The following SDK2 variants were observed in gnomAD, a reference collection of about 807,000 sequenced individuals.
SDK2 encodes protein sidekick-2.
In SDK2, 105 loss-of-function variants were observed where a neutral mutation model predicts 253.9. That is an observed-to-expected ratio of 0.41 (90% CI 0.35 to 0.49). SDK2 has a LOEUF of 0.49. SDK2 is among the 20% of genes least tolerant of loss of function. The pLI is 0.06. For missense variants in SDK2, 2,608 were observed against 3,003.0 expected (o/e 0.87, Z 3.07); for synonymous variants, 1,249 against 1,234.9 (o/e 1.01, Z -0.24).
At chr17:73,617,194 A>G (rs1230776498) in intron 1 of SDK2, among the ~76,000 whole-genome samples, 3 of 128,226 alleles carry the variant, frequency 2.3e-5, no homozygotes, top group Non-Finnish European at 3.3e-5. Flanking sequence ...AGGGGAGGGG[A>G]GGGGCCTCCT....
intron 26 of SDK2, among the ~76,000 whole-genome samples, chr17:73,394,001 C>G (rs1364781384): frequency 6.6e-6 from 1 of 152,234 alleles, no homozygotes; most frequent in Non-Finnish European, 1.5e-5. Flanking sequence ...TGGAGCAGCC[C>G]TAGGCCCTGG....
At chr17:73,502,673 A>G (rs2063899603) in intron 2 of SDK2, among the ~76,000 whole-genome samples, 1 of 152,090 alleles carries the variant, frequency 6.6e-6, no homozygotes, top group Admixed American at 6.5e-5. Context: ...AAAGAATGCC[A>G]CCTAAGTAAA....
chr17:73,565,818 G>GGTTT (rs1220314185), intron 1 of SDK2, among the ~76,000 whole-genome samples: 2 of 151,924 alleles, frequency 1.3e-5, no homozygotes, highest in East Asian at 1.9e-4. Flanking sequence ...TTCTTTTTTT[G>GGTTT]GTTTGTTTGT....
At chr17:73,454,863 C>T (rs2063513036) in intron 4 of SDK2, among the ~76,000 whole-genome samples, 1 of 152,026 alleles carries the variant, frequency 6.6e-6, no homozygotes, top group Non-Finnish European at 1.5e-5. Context: ...GCCACCATGC[C>T]CAGCTAATTT....
At chr17:73,610,579 T>G (rs1385544664) in intron 1 of SDK2, among the ~76,000 whole-genome samples, 1 of 152,116 alleles carries the variant, frequency 6.6e-6, no homozygotes, top group African/African-American at 2.4e-5. Flanking sequence ...CCCATGGCAT[T>G]GCTAATTTCC....
chr17:73,444,453 C>G (rs1216768201), intron 5 of SDK2, among the ~76,000 whole-genome samples: 2 of 152,194 alleles, frequency 1.3e-5, no homozygotes, highest in Non-Finnish European at 2.9e-5. Context: ...CCGGTGAGCT[C>G]CTGGCATAGG....
intron 18 of SDK2, among the ~76,000 whole-genome samples, chr17:73,412,070 GTATATA>G (rs1225953429): frequency 2.3e-5 from 2 of 85,912 alleles, no homozygotes; most frequent in Non-Finnish European, 4.5e-5. Flanking sequence ...GTATATATAC[GTATATA>G]TGTATATGTA....
Position 73,509,902 on chromosome 17 carries a change from C to CAAAAAAAAAAAAAAAAAAA in SDK2, c.65-2324_65-2306dup, listed in dbSNP as rs71157018. On this transcript the variant is annotated intron_variant, in intron 1 of 44. Coordinates refer to ENST00000392650, the MANE Select transcript of SDK2 (RefSeq NM_001144952.2). ...GCAACAGAGCAAGACTCCATCTCTA[C>CAAAAAAAAAAAAAAAAAAA]AAAAAAAAAAAAAAAAAAAAGAAGG... Among the ~76,000 whole-genome samples the CAAAAAAAAAAAAAAAAAAA allele has an allele frequency of 3.6e-3, 91 of 25,374 alleles. 9 individuals carry two copies. Among genetic ancestry groups the CAAAAAAAAAAAAAAAAAAA allele is most frequent in the African/African-American group, 6.7e-3 (35 of 5,262 alleles). 16.6% of individuals were successfully genotyped at this position (25,374 alleles called of 152,430 possible). A position where few individuals can be genotyped will look rare whatever the true frequency, so the allele number is the denominator to read the frequency against.
chr17:73,558,357 G>T (rs538867026), intron 1 of SDK2, among the ~76,000 whole-genome samples: 2 of 150,020 alleles, frequency 1.3e-5, no homozygotes, highest in East Asian at 4.1e-4. Flanking sequence ...CCATGCCCAG[G>T]TAGAGATGGA....
chr17:73,419,504 G>A (rs992010621), intron 15 of SDK2, among the ~76,000 whole-genome samples, 198 bp from the exon 16 acceptor site: 2 of 152,052 alleles, frequency 1.3e-5, no homozygotes, highest in Admixed American at 1.3e-4. Context: ...CCTGCCTTAT[G>A]AGACTAGTTG....
In SDK2 at chr17:73,352,229, G is replaced by A. The variant is rs2062544942; in HGVS notation, c.5758+244C>T. Among the ~76,000 whole-genome samples the A allele has an allele frequency of 1.3e-5, 2 of 152,118 alleles. No homozygotes were observed. Among genetic ancestry groups the A allele is most frequent in the South Asian group, 4.1e-4 (2 of 4,832 alleles). On this transcript the variant is annotated intron_variant, in intron 41 of 44. Coordinates refer to ENST00000392650, the MANE Select transcript of SDK2 (RefSeq NM_001144952.2). This position sits in a 1 kb window ranked among gnomAD's most constrained non-coding sequence, Gnocchi z 4.1. ...GGCCCTCTGCTCTGCCCCTACCCAGGGCTTCTGGAGTTCCTTGAAAGGGAG... is the reference window on the plus strand; with the variant it reads ...GGCCCTCTGCTCTGCCCCTACCCAGAGCTTCTGGAGTTCCTTGAAAGGGAG...
intron 1 of SDK2, among the ~76,000 whole-genome samples, chr17:73,601,916 G>C (rs2045847345): frequency 6.6e-6 from 1 of 152,086 alleles, no homozygotes; most frequent in Non-Finnish European, 1.5e-5. Context: ...GCTAATTTTT[G>C]TATCTTTAGT....
At chr17:73,367,783 C>T (rs1479911843) in intron 37 of SDK2, among the ~76,000 whole-genome samples, 1 of 152,138 alleles carries the variant, frequency 6.6e-6, no homozygotes, top group African/African-American at 2.4e-5. Flanking sequence ...GGATTACAGG[C>T]GTGAGCCACC....
At chr17:73,371,796 C>T (rs755079224) in intron 36 of SDK2, among the ~76,000 whole-genome samples, 2 of 152,002 alleles carry the variant, frequency 1.3e-5, no homozygotes, top group Non-Finnish European at 2.9e-5. Flanking sequence ...TCTATCTCTA[C>T]TAAAAATACA....
rs1239047030 is a variant in SDK2 at position 73,338,257 on chromosome 17, C to A, written c.*330G>T. The A allele has an allele frequency of 8.4e-6, 4 of 477,284 alleles. No individual in the cohort carries two copies. In the Admixed American group the frequency reaches 1.1e-4, roughly 13 times the overall value. 29.6% of individuals were successfully genotyped at this position (477,284 alleles called of 1,614,324 possible). On this transcript the variant is annotated 3_prime_UTR_variant, in exon 45 of 45. Coordinates refer to ENST00000392650, the MANE Select transcript of SDK2 (RefSeq NM_001144952.2). The surrounding 1 kb of genome is among the most constrained non-coding windows in gnomAD (Gnocchi z 5.0). ...CTGCCTGGCGGCCTCCAGTCCTTAG[C>A]CTCCGCTCCCTCTCTCTCTCCAGAT...
At chr17:73,524,496 G>T (rs2064109648) in intron 1 of SDK2, among the ~76,000 whole-genome samples, 1 of 152,200 alleles carries the variant, frequency 6.6e-6, no homozygotes, top group South Asian at 2.1e-4. Flanking sequence ...GGGGCTCCTT[G>T]TATTCCCCTT....
Position 73,352,396 on chromosome 17 carries a change from T to C in SDK2, c.5758+77A>G. On this transcript the variant is annotated intron_variant, in intron 41 of 44. Transcript: ENST00000392650. The surrounding 1 kb of genome is among the most constrained non-coding windows in gnomAD (Gnocchi z 4.1). ...GCTCCTGGTGCCCTGGTGCCTCTCC[T>C]CCTTCCGCCCTGCCCAGTGTCAGCC... 5.9e-6 allele frequency: 9 copies of C among 1,515,380 alleles called. No individual in the cohort carries two copies. Among genetic ancestry groups the C allele is most frequent in the African/African-American group, 1.4e-5 (1 of 72,842 alleles). 93.9% of individuals were successfully genotyped at this position (1,515,380 alleles called of 1,614,324 possible).
At position 73,381,796 on chromosome 17, in the gene SDK2, T is replaced by G. The variant is rs572039379; in HGVS notation, c.4706-846A>C. Among the ~76,000 whole-genome samples, 3 of 151,922 alleles carry G rather than the reference T, an allele frequency of 2.0e-5. No individual in the cohort carries two copies. The South Asian group carries it at 6.2e-4, about 32-fold the overall frequency. On this transcript the variant is annotated intron_variant, in intron 33 of 44. Coordinates refer to ENST00000392650, the MANE Select transcript of SDK2 (RefSeq NM_001144952.2). ...GGTGCACGCCTGTAGGTCCAGCTAC[T>G]TGGGAGGCTGGGGCAGGAGAATCGC...
At chr17:73,635,570 G>T (rs530727016) in intron 1 of SDK2, among the ~76,000 whole-genome samples, 3 of 152,192 alleles carry the variant, frequency 2.0e-5, no homozygotes, top group African/African-American at 7.2e-5. Context: ...ACTGGTGTCC[G>T]CCCCAGATGC....
Sources: allele counts gnomAD v4.1 joint callset (sites outside exome capture counted in the v4.1 genomes callset), GRCh38; gene constraint gnomAD v4.1.1; non-coding constraint Gnocchi (gnomAD v3.1); transcripts MANE v1.5; gene names NCBI Gene and HGNC (gene_info 2026-07-23, HGNC 2026-07-21).